ZCRB1: variants seen among roughly 807,000 people sequenced by gnomAD.
The protein encoded by ZCRB1 is zinc finger CCHC-type and RNA-binding motif-containing protein 1.
A neutral mutation model predicts 29.9 loss-of-function variants in ZCRB1; 21 were observed. The ratio of observed to expected loss-of-function variants is 0.70; its 90% CI spans 0.50 to 1.01. The LOEUF (loss-of-function observed/expected upper bound fraction) is 1.01. ZCRB1 is among the 50% of genes least tolerant of loss of function. The pLI, the probability that ZCRB1 is intolerant of heterozygous loss-of-function variation, is 0.00. For missense variants in ZCRB1, 204 were observed against 253.3 expected, an observed-to-expected ratio of 0.81 and a Z score of 1.32; for synonymous variants, 77 against 80.0, an observed-to-expected ratio of 0.96 and a Z score of 0.20.
chr12:42,324,310 G>A (rs2068644582), intron 1 of ZCRB1, among the ~76,000 whole-genome samples: 1 of 152,070 alleles, frequency 6.6e-6, no homozygotes, highest in African/African-American at 2.4e-5. Flanking sequence ...TACCATGCCT[G>A]GCTAATTTTG....
chr12:42,313,250 G>A, intron 7 of ZCRB1, 52 bp from the exon 8 acceptor site: 1 of 1,554,408 alleles, frequency 6.4e-7, no homozygotes, highest in Non-Finnish European at 8.7e-7. Flanking sequence ...TATTATTTAT[G>A]GTTCATTAAT....
At chr12:42,323,410 C>G (rs1031153040) in intron 2 of ZCRB1, among the ~76,000 whole-genome samples, 1 of 150,852 alleles carries the variant, frequency 6.6e-6, no homozygotes, top group African/African-American at 2.4e-5. Context: ...AGAATTTGCA[C>G]AGGTGCCTCT....
rs184854065 is a variant in ZCRB1 at position 42,323,991 on chromosome 12, T to C, written c.84+28A>G. 9 of 1,573,312 alleles carry C rather than the reference T, an allele frequency of 5.7e-6. No homozygotes were observed. The East Asian group carries it at 6.7e-5, about 12-fold the overall frequency. ...TGCTTAAGGTTATCTGTATCTCAAA[T>C]AGCAGTCACTCGATAAGATTTACTT... On this transcript the variant is annotated intron_variant, in intron 2 of 7. Coordinates refer to ENST00000266529, the MANE Select transcript of ZCRB1 (RefSeq NM_033114.4).
rs532760951 is a variant in ZCRB1 at position 42,313,249 on chromosome 12, T to C, written c.523-51A>G. The stretch of plus-strand genomic sequence containing the variant: ...CCAATAACCTGTTTAATATTATTTA[T>C]GGTTCATTAATTCAAAACATGGCAA... On this transcript the variant is annotated intron_variant, in intron 7 of 7. Coordinates refer to ENST00000266529, the MANE Select transcript of ZCRB1 (RefSeq NM_033114.4). 1.9e-5 allele frequency: 30 copies of C among 1,561,936 alleles called. No individual in the cohort carries two copies. The South Asian group carries it at 3.5e-4, about 18-fold the overall frequency.
rs1275340349 is a variant in ZCRB1, at chr12:42,312,981, T to C, written c.*86A>G. On this transcript the variant is annotated 3_prime_UTR_variant, in exon 8 of 8. Transcript: ENST00000266529. ...CAATAATAGTATTAACATGATAGTA[T>C]TAATTTTTCTTATTTTTATTAAAAT... 8.6e-6 allele frequency: 11 copies of C among 1,280,620 alleles called. No individual in the cohort carries two copies. The highest frequency in any genetic ancestry group is 1.1e-5 in the Non-Finnish European group (11 of 972,222). The allele number at this position is 1,280,620 out of a possible 1,614,324, so 79.3% of individuals were successfully genotyped here. A position where few individuals can be genotyped will look rare whatever the true frequency, so the allele number is the denominator to read the frequency against.
At position 42,312,168 on chromosome 12, in the gene ZCRB1, T is replaced by C. The variant is rs553120557; in HGVS notation, c.*899A>G. 2.6e-5 allele frequency: 4 copies of C among 152,286 alleles called. No homozygotes were observed. The South Asian group carries it at 8.3e-4, about 32-fold the overall frequency. 9.4% of individuals were successfully genotyped at this position (152,286 alleles called of 1,614,324 possible). A position where few individuals can be genotyped will look rare whatever the true frequency, so the allele number is the denominator to read the frequency against. Reference sequence around the variant, plus strand: ...CTATGATAGTATTAACTTATTTCTATTGCTTTTACTAGTTAAAAAAGTAAT... The same window carrying C: ...CTATGATAGTATTAACTTATTTCTACTGCTTTTACTAGTTAAAAAAGTAAT... On this transcript the variant is annotated 3_prime_UTR_variant, in exon 8 of 8. Coordinates refer to ENST00000266529, the MANE Select transcript of ZCRB1 (RefSeq NM_033114.4).
intron 3 of ZCRB1, among the ~76,000 whole-genome samples, chr12:42,321,363 C>A (rs2068620492): frequency 6.6e-6 from 1 of 152,134 alleles, no homozygotes; most frequent in Non-Finnish European, 1.5e-5. Context: ...AGCAAGATGA[C>A]CTTAGGTTTA....
At chr12:42,313,575 G>T in intron 7 of ZCRB1, 115 bp downstream of exon 7, 1 of 1,104,410 alleles carries the variant, frequency 9.1e-7, no homozygotes, top group Non-Finnish European at 1.3e-6. Flanking sequence ...GTCTCCTAAG[G>T]CTTAGGAGGT....
intron 2 of ZCRB1, among the ~76,000 whole-genome samples, chr12:42,323,350 G>A (rs895112673): frequency 2.0e-5 from 3 of 152,062 alleles, no homozygotes; most frequent in Non-Finnish European, 2.9e-5. Context: ...AAGGCACCTC[G>A]AGTGGGCTTA....
At chr12:42,322,296 A>G in intron 3 of ZCRB1, 122 bp downstream of exon 3, 1 of 967,768 alleles carries the variant, frequency 1.0e-6, no homozygotes, top group South Asian at 1.8e-5. Context: ...TAAAAATGTT[A>G]ATAGTATTTT....
At chr12:42,315,450 T>C (rs2068590289) in intron 5 of ZCRB1, among the ~76,000 whole-genome samples, 1 of 152,164 alleles carries the variant, frequency 6.6e-6, no homozygotes, top group South Asian at 2.1e-4. Context: ...GGTTACTTAC[T>C]GTTAATGAGC....
intron 7 of ZCRB1, among the ~76,000 whole-genome samples, chr12:42,313,470 A>G (rs1265950500): frequency 6.6e-6 from 1 of 152,210 alleles, no homozygotes; most frequent in Non-Finnish European, 1.5e-5. Flanking sequence ...ATGAAAAAAG[A>G]TTAAGATAGT....
At chr12:42,314,626 G>C (rs1021984551) in intron 5 of ZCRB1, among the ~76,000 whole-genome samples, 8 of 151,352 alleles carry the variant, frequency 5.3e-5, no homozygotes, top group Non-Finnish European at 2.9e-5. Flanking sequence ...TACCCTAAAT[G>C]TAAACATCTT....
chr12:42,312,232 A>C lies in ZCRB1; in HGVS notation c.*835T>G, dbSNP rs2068572798. 6.6e-6 allele frequency: 1 copy of C among 152,196 alleles called. No individual in the cohort carries two copies. The highest frequency in any genetic ancestry group is 2.1e-4 in the South Asian group (1 of 4,828). 9.4% of individuals were successfully genotyped at this position (152,196 alleles called of 1,614,324 possible). On this transcript the variant is annotated 3_prime_UTR_variant, in exon 8 of 8. Transcript: ENST00000266529. ...AAGTTAAACAATATAGAAATATACA[A>C]AGCAGAAAATTAAAGGCTCTCTAAT... is the stretch of plus-strand genomic sequence containing the variant.
At chr12:42,314,090 G>C (rs1362744789) in intron 5 of ZCRB1, 104 bp from the exon 6 acceptor site, 1 of 1,191,908 alleles carries the variant, frequency 8.4e-7, no homozygotes, top group African/African-American at 1.6e-5. Flanking sequence ...ATTTAAAAAG[G>C]AATATTCCCA....
In ZCRB1 at chr12:42,325,652, G is replaced by T. The variant is rs528864338; in HGVS notation, c.-3+272C>A. Reference sequence around the variant, plus strand: ...TGGAAAAATACTGACTCTATGGCATGCCAATTCGTGAAGGAATGAGAAAAC... The same window carrying T: ...TGGAAAAATACTGACTCTATGGCATTCCAATTCGTGAAGGAATGAGAAAAC... On this transcript the variant is annotated intron_variant, in intron 1 of 7. Coordinates refer to ENST00000266529, the MANE Select transcript of ZCRB1 (RefSeq NM_033114.4). 2.0e-5 allele frequency: 3 copies of T among 152,206 alleles called. No homozygotes were observed. The South Asian group carries it at 6.2e-4, about 32-fold the overall frequency. 9.4% of individuals were successfully genotyped at this position (152,206 alleles called of 1,614,324 possible). A position where few individuals can be genotyped will look rare whatever the true frequency, so the allele number is the denominator to read the frequency against.
chr12:42,319,216 C>T (rs1376578071), intron 3 of ZCRB1, among the ~76,000 whole-genome samples: 1 of 152,092 alleles, frequency 6.6e-6, no homozygotes, highest in Non-Finnish European at 1.5e-5. Flanking sequence ...TCCAATTCCA[C>T]TGCTTTTTTC....
At position 42,313,160 on chromosome 12, in the gene ZCRB1, G is replaced by C. The variant is rs765826087; in HGVS notation, c.561C>G (p.Pro187=). ...KIEEEQKKWK[P]SSGVPSTSDD... ...CTGATGTTGAGGGGACTCCTGAACT[G>C]GGTTTCCATTTTTTTTGTTCTTCTT... Residue 187 remains proline (P), a synonymous_variant, in exon 8 of 8, where the codon CCC becomes CCG. Transcript: ENST00000266529. The C allele has an allele frequency of 1.2e-6, 2 of 1,611,488 alleles. No individual in the cohort carries two copies. The highest frequency in any genetic ancestry group is 1.7e-4 in the Middle Eastern group (1 of 6,054).
intron 5 of ZCRB1, 124 bp downstream of exon 5, chr12:42,317,215 TA>T: frequency 1.6e-6 from 1 of 638,320 alleles, no homozygotes; most frequent in Non-Finnish European, 2.6e-6. Flanking sequence ...AAATAAATAT[TA>T]AAAAATAAAG....
Sources: allele counts gnomAD v4.1 joint callset (sites outside exome capture counted in the v4.1 genomes callset), GRCh38; gene constraint gnomAD v4.1.1; transcripts MANE v1.5; gene names NCBI Gene and HGNC (gene_info 2026-07-23, HGNC 2026-07-21).